The following SCN10A variants were observed in gnomAD, a reference collection of about 807,000 sequenced individuals.
SCN10A encodes the protein sodium channel protein type 10 subunit alpha.
Under a neutral mutation model 170.7 loss-of-function variants are expected in SCN10A, and 162 were observed. That is an observed-to-expected ratio of 0.95 (90% CI 0.84 to 1.08). The LOEUF (loss-of-function observed/expected upper bound fraction) is 1.08. SCN10A is among the 50% of genes least tolerant of loss of function. SCN10A has a pLI of 0.00. For synonymous variants in SCN10A, 985 were observed against 904.6 expected (o/e 1.09, Z -1.59); for missense variants, 2,527 against 2,436.9 (o/e 1.04, Z -0.78).
rs201191510 is a variant in SCN10A, at chr3:38,775,252, CCT to C, written c.471-3847_471-3846del. Among the ~76,000 whole-genome samples the C allele has an allele frequency of 2.0e-4, 31 of 152,226 alleles. 1 individual carries two copies. In the East Asian group the frequency reaches 4.2e-3, roughly 21 times the overall value. On this transcript the variant is annotated intron_variant, in intron 4 of 27. Coordinates refer to ENST00000449082, the MANE Select transcript of SCN10A (RefSeq NM_006514.4). ...CATTAAATAATAACTCCCCATTCCC[CCT>C]CTCTGGCAACTTCCATTCTACTTTC...
chr3:38,803,472 A>C (rs2064385990), intron 1 of SCN10A, among the ~76,000 whole-genome samples: 2 of 152,154 alleles, frequency 1.3e-5, no homozygotes, highest in African/African-American at 4.8e-5. Flanking sequence ...ATGCAGCCAT[A>C]AAAAAGGATG....
chr3:38,750,697 T>C (rs900770251), intron 12 of SCN10A, among the ~76,000 whole-genome samples: 7 of 152,232 alleles, frequency 4.6e-5, no homozygotes, highest in Admixed American at 1.3e-4. Flanking sequence ...ACTCAGGTGG[T>C]AACTGGCACA....
At chr3:38,710,940 T>A (rs2063267387) in intron 23 of SCN10A, 43 bp from the exon 24 acceptor site, 1 of 1,562,706 alleles carries the variant, frequency 6.4e-7, no homozygotes, top group South Asian at 1.1e-5. Context: ...TGCCCATCCA[T>A]CTATACTGGA....
chr3:38,749,707 G>T (rs1019011819), intron 13 of SCN10A, among the ~76,000 whole-genome samples: 23 of 152,164 alleles, frequency 1.5e-4, no homozygotes, highest in African/African-American at 5.5e-4. Context: ...GGATAATTTT[G>T]CCATGTTGGA....
At chr3:38,783,312 T>C (rs779077329) in intron 4 of SCN10A, among the ~76,000 whole-genome samples, 2 of 152,112 alleles carry the variant, frequency 1.3e-5, no homozygotes, top group Non-Finnish European at 2.9e-5. Flanking sequence ...TCCTCCCTCT[T>C]CTGCCCTGGA....
chr3:38,701,712 T>A, intron 27 of SCN10A, 127 bp downstream of exon 27: 1 of 863,798 alleles, frequency 1.2e-6, no homozygotes, highest in South Asian at 1.8e-5. Context: ...AAGCTGCAAA[T>A]ACAGGGTTCT....
intron 1 of SCN10A, among the ~76,000 whole-genome samples, chr3:38,801,775 T>A (rs2126064434): frequency 6.6e-6 from 1 of 152,306 alleles, no homozygotes; most frequent in Admixed American, 6.5e-5. Context: ...ACTTAATTAG[T>A]AAGCAAAAGT....
intron 18 of SCN10A, 54 bp downstream of exon 18, chr3:38,725,120 A>G: frequency 2.0e-6 from 3 of 1,500,742 alleles, no homozygotes; most frequent in Non-Finnish European, 2.7e-6. Context: ...CTACCAGCCC[A>G]CTGCTCAGTG....
chr3:38,753,109 G>A (rs1363146888), intron 11 of SCN10A, among the ~76,000 whole-genome samples: 2 of 152,218 alleles, frequency 1.3e-5, no homozygotes, highest in Non-Finnish European at 2.9e-5. Flanking sequence ...ACAATGGAGA[G>A]ACTGAAGGAA....
At chr3:38,746,026 A>AAT (rs1236326824) in intron 13 of SCN10A, among the ~76,000 whole-genome samples, 8 of 111,284 alleles carry the variant, frequency 7.2e-5, no homozygotes, top group Non-Finnish European at 1.1e-4. Context: ...ACTGCTTTCA[A>AAT]ATATATATAT....
At position 38,739,860 on chromosome 3, in the gene SCN10A, C is replaced by A. The variant is rs140273297; in HGVS notation, c.2107-172G>T. 3.6e-4 allele frequency among the ~76,000 whole-genome samples: 55 copies of A among 152,312 alleles called. 1 individual carries two copies. The highest frequency in any genetic ancestry group is 1.3e-3 in the Admixed American group (20 of 15,310). On this transcript the variant is annotated intron_variant, in intron 14 of 27. Transcript: ENST00000449082. ...TTGGCCAGGGTAACAGTCAACGTGA[C>A]AGAATGGAGACATTTCTGCACCATT...
chr3:38,753,588 T>A (rs909312142), intron 11 of SCN10A, among the ~76,000 whole-genome samples: 2 of 152,200 alleles, frequency 1.3e-5, no homozygotes, highest in East Asian at 1.9e-4. Flanking sequence ...TAGAGTACTC[T>A]CTGCCTGTAA....
chr3:38,717,402 A>T (rs2125993463), intron 21 of SCN10A, among the ~76,000 whole-genome samples: 1 of 152,372 alleles, frequency 6.6e-6, no homozygotes, highest in Non-Finnish European at 1.5e-5. Context: ...GACTGGTGAG[A>T]TCAACATAAG....
intron 20 of SCN10A, among the ~76,000 whole-genome samples, chr3:38,720,800 G>A (rs996757731): frequency 2.0e-5 from 3 of 152,172 alleles, no homozygotes; most frequent in East Asian, 1.9e-4. Context: ...AGCCAATGAC[G>A]TAGTGAGGAG....
intron 7 of SCN10A, 149 bp downstream of exon 7, chr3:38,761,043 T>A (rs1366749134): frequency 1.5e-6 from 1 of 675,510 alleles, no homozygotes; most frequent in East Asian, 2.7e-5. Context: ...TACCCAAAAG[T>A]AAAACACAAC....
intron 20 of SCN10A, among the ~76,000 whole-genome samples, chr3:38,719,186 G>T (rs2063362652): frequency 6.6e-6 from 1 of 152,164 alleles, no homozygotes; most frequent in Non-Finnish European, 1.5e-5. Flanking sequence ...GATGTTCACA[G>T]GCAGTTTACA....
At chr3:38,747,479 C>T (rs184955143) in intron 13 of SCN10A, among the ~76,000 whole-genome samples, 3 of 152,268 alleles carry the variant, frequency 2.0e-5, no homozygotes, top group African/African-American at 4.8e-5. Context: ...TTTGCTTGAC[C>T]TGACTCATTT....
Position 38,752,208 on chromosome 3 carries a change from C to A in SCN10A, c.1755+11G>T, listed in dbSNP as rs1368555319. 6.7e-7 allele frequency: 1 copy of A among 1,501,562 alleles called. No homozygotes were observed. The highest frequency in any genetic ancestry group is 1.4e-5 in the African/African-American group (1 of 70,566). The allele number at this position is 1,501,562 out of a possible 1,614,324, so 93.0% of individuals were successfully genotyped here. On this transcript the variant is annotated intron_variant, in intron 12 of 27. Coordinates refer to ENST00000449082, the MANE Select transcript of SCN10A (RefSeq NM_006514.4). ...ACAGCCTGAGGGAGTCTGAAGCATT[C>A]ACAAACTCACCGAGACATCGACAGC...
chr3:38,794,597 G>C (rs2064325831), intron 1 of SCN10A, among the ~76,000 whole-genome samples: 1 of 152,130 alleles, frequency 6.6e-6, no homozygotes. Context: ...TTCAGTCTGT[G>C]GCTGAACACT....
Sources: gnomAD v4.1 joint callset for allele counts (sites outside exome capture counted in the v4.1 genomes callset) on GRCh38, gnomAD v4.1.1 for gene constraint, MANE v1.5 for transcripts, NCBI Gene and HGNC (gene_info 2026-07-23, HGNC 2026-07-21) for gene names.